Variants in ZNF185 observed in about 807,000 individuals in gnomAD.
ZNF185 encodes zinc finger protein 185 with LIM domain.
ZNF185 carries 56 observed loss-of-function variants against 58.6 expected under a neutral mutation model. The observed-to-expected ratio is 0.95, with a 90% CI of 0.77 to 1.19. The LOEUF is 1.19. ZNF185 is among the 50% of genes most tolerant of loss of function. The probability of loss-of-function intolerance (pLI) is 0.00; values close to 1 mark genes in which losing one functional copy is unlikely to be tolerated. For synonymous variants in ZNF185, 230 were observed against 215.9 expected (o/e 1.07, Z -0.57); for missense variants, 627 against 573.5 (o/e 1.09, Z -0.95).
In ZNF185 at chrX:152,915,167, CA is replaced by C; in HGVS notation, c.189del (p.Ser64ProfsTer32). The C allele has an allele frequency of 8.3e-7, 1 of 1,210,459 alleles. No individual in the cohort carries two copies. The stretch of plus-strand genomic sequence containing the variant: ...CTGCCCTCAGGCCGGAGTCGCGCCA[CA>C]TCCTTTTCATCAGCTGGGGAGGTTC... On this transcript the variant is annotated frameshift_variant, in exon 3 of 23. Coordinates refer to ENST00000449285, the Ensembl canonical transcript of ZNF185. LOFTEE classifies it high-confidence loss of function.
intron 11 of ZNF185, among the ~76,000 whole-genome samples, chrX:152,925,510 C>T (rs782383982): frequency 4.5e-5 from 5 of 112,207 alleles, no homozygotes; most frequent in Non-Finnish European, 7.5e-5. Context: ...CCGGGGCAAG[C>T]TCCCAACAGG....
intron 3 of ZNF185, among the ~76,000 whole-genome samples, chrX:152,916,201 T>C (rs1214971153): frequency 9.0e-6 from 1 of 111,369 alleles, no homozygotes; most frequent in Non-Finnish European, 1.9e-5. Context: ...GAGATGGAGA[T>C]TGTGGGGTTG....
At chrX:152,934,574 A>C (rs1266674584) in intron 14 of ZNF185, among the ~76,000 whole-genome samples, 1 of 112,064 alleles carries the variant, frequency 8.9e-6, no homozygotes, top group Non-Finnish European at 1.9e-5. Context: ...TCATATACCA[A>C]AATCCATGCA....
rs782142489 is a variant in ZNF185, at chrX:152,965,487, G to A, written c.1759G>A (p.Glu587Lys). 10 of 1,189,651 alleles carry A rather than the reference G, an allele frequency of 8.4e-6. No individual in the cohort carries two copies. The Admixed American group carries it at 1.9e-4, about 22-fold the overall frequency. Residue 587 changes from glutamate to lysine, a missense_variant, in exon 19 of 23, where the codon GAA becomes AAA. Transcript: ENST00000449285. ...CGTGAAGGAGTACGTGAATGCTAGT[G>A]AAGTGTCTTCTGGGAAGCCAGTATC...
At chrX:152,967,303 C>T (rs972936728) in intron 20 of ZNF185, 65 bp downstream of exon 22, 46 of 1,066,935 alleles carry the variant, frequency 4.3e-5, no homozygotes, top group Non-Finnish European at 6.0e-5. Context: ...AGGGAGAGTT[C>T]CTGCTGAGTC....
chrX:152,908,731 T>C, the ZNF185 span, among the ~76,000 whole-genome samples: 1 of 113,287 alleles, frequency 8.8e-6, no homozygotes, highest in African/African-American at 3.2e-5. Context: ...CCGTCGTGCA[T>C]GGGCTTACCT....
At chrX:152,960,339 G>A (rs1474730466) in intron 17 of ZNF185, among the ~76,000 whole-genome samples, 1 of 112,599 alleles carries the variant, frequency 8.9e-6, no homozygotes, top group Non-Finnish European at 1.9e-5. Flanking sequence ...CATGGATTTG[G>A]ACAGTAATGT....
At chrX:152,902,345 G>A in the ZNF185 span, among the ~76,000 whole-genome samples, 3 of 112,646 alleles carry the variant, frequency 2.7e-5, no homozygotes, top group Non-Finnish European at 3.8e-5. Context: ...GGCTCAGCAC[G>A]CCACTTTGTG....
chrX:152,903,589 T>TGGCTGCAGAGAC, the ZNF185 span, among the ~76,000 whole-genome samples: 2 of 109,209 alleles, frequency 1.8e-5, no homozygotes, highest in Non-Finnish European at 3.8e-5. Flanking sequence ...ATTGGTTCCC[T>TGGCTGCAGAGAC]GGCTGCAGAG....
intron 3 of ZNF185, among the ~76,000 whole-genome samples, chrX:152,915,405 G>C (rs1005945924): frequency 2.7e-5 from 3 of 112,970 alleles, no homozygotes; most frequent in Non-Finnish European, 5.6e-5. Context: ...GGGAGTGTAG[G>C]AGTCACTTGG....
At chrX:152,939,721 G>C (rs1434527564) in intron 15 of ZNF185, among the ~76,000 whole-genome samples, 1 of 108,614 alleles carries the variant, frequency 9.2e-6, no homozygotes, top group Non-Finnish European at 1.9e-5. Flanking sequence ...GCCAACTCTA[G>C]AGCCAGGCTC....
intron 16 of ZNF185, among the ~76,000 whole-genome samples, chrX:152,956,514 G>A (rs1427158537): frequency 9.0e-6 from 1 of 111,727 alleles, no homozygotes; most frequent in Non-Finnish European, 1.9e-5. Context: ...CGAGGCAGGC[G>A]GATAACCTGA....
the ZNF185 span, among the ~76,000 whole-genome samples, chrX:152,898,301 C>T: frequency 8.9e-6 from 1 of 112,605 alleles, no homozygotes; most frequent in Admixed American, 9.2e-5. Flanking sequence ...GCACCCAGTC[C>T]GTGCCCAGCT....
chrX:152,920,859 C>A, intron 9 of ZNF185, 111 bp downstream of exon 10: 1 of 939,568 alleles, frequency 1.1e-6, no homozygotes, highest in Non-Finnish European at 1.5e-6. Flanking sequence ...ATGTGGGGGA[C>A]TACTGTCCCT....
chrX:152,940,119 T>C (rs1412742024), intron 15 of ZNF185, among the ~76,000 whole-genome samples: 2 of 110,930 alleles, frequency 1.8e-5, no homozygotes, highest in Non-Finnish European at 3.8e-5. Context: ...TTCACAACTC[T>C]GGCTGTACTT....
At chrX:152,901,238 CTTTTTTT>C in the ZNF185 span, among the ~76,000 whole-genome samples, 14 of 96,441 alleles carry the variant, frequency 1.5e-4, no homozygotes, top group Non-Finnish European at 2.9e-4. Context: ...TTTGTTTTCA[CTTTTTTT>C]TTTTTTTTTT....
intron 16 of ZNF185, among the ~76,000 whole-genome samples, chrX:152,955,298 C>T (rs1163334876): frequency 8.9e-6 from 1 of 112,070 alleles, no homozygotes; most frequent in Non-Finnish European, 1.9e-5. Context: ...TGACAAAAAC[C>T]TTAGTTATTG....
intron 16 of ZNF185, among the ~76,000 whole-genome samples, chrX:152,951,377 CAAAT>C (rs144529437): frequency 0.23 from 26,006 of 110,955 alleles, 2,334 homozygotes; most frequent in South Asian, 0.38. Flanking sequence ...TTAACCATGA[CAAAT>C]AAAATTCCTT....
chrX:152,944,154 G>C (rs1339724679), intron 15 of ZNF185, among the ~76,000 whole-genome samples: 4 of 113,180 alleles, frequency 3.5e-5, no homozygotes, highest in Non-Finnish European at 7.5e-5. Flanking sequence ...GAGAATTTTA[G>C]TTCCCTTGAC....
Sources: allele counts gnomAD v4.1 joint callset (sites outside exome capture counted in the v4.1 genomes callset), GRCh38; gene constraint gnomAD v4.1.1; transcripts MANE v1.5; gene names NCBI Gene and HGNC (gene_info 2026-07-23, HGNC 2026-07-21).